The following GSAP variants were observed in gnomAD, a reference collection of about 807,000 sequenced individuals.
GSAP encodes gamma-secretase activating protein.
GSAP carries 118 observed loss-of-function variants against 131.7 expected under a neutral mutation model. The observed-to-expected ratio is 0.90, with a 90% CI of 0.77 to 1.04. GSAP has a LOEUF of 1.04. GSAP is among the 50% of genes least tolerant of loss of function. The pLI, the probability that GSAP is intolerant of heterozygous loss-of-function variation, is 0.00. For missense variants in GSAP, 1,019 were observed against 1,013.2 expected (o/e 1.01, Z -0.08); for synonymous variants, 381 against 363.4 (o/e 1.05, Z -0.55).
At chr7:77,388,486 A>C (rs1255209624) in intron 5 of GSAP, among the ~76,000 whole-genome samples, 1 of 152,202 alleles carries the variant, frequency 6.6e-6, no homozygotes, top group Non-Finnish European at 1.5e-5. Flanking sequence ...TACAGCAATC[A>C]GGAGGAAGTC....
intron 6 of GSAP, among the ~76,000 whole-genome samples, chr7:77,386,780 C>A (rs976250980): frequency 6.6e-6 from 1 of 152,202 alleles, no homozygotes; most frequent in African/African-American, 2.4e-5. Flanking sequence ...AAAGGCAGGG[C>A]ATCACCGTGT....
chr7:77,406,540 G>A (rs1802301830), intron 1 of GSAP, among the ~76,000 whole-genome samples: 1 of 152,206 alleles, frequency 6.6e-6, no homozygotes, highest in African/African-American at 2.4e-5. Flanking sequence ...TAGGCTCTAA[G>A]CTGAGCTGCC....
In GSAP at chr7:77,377,332, G is replaced by C; in HGVS notation, c.635C>G (p.Ala212Gly). 6.4e-7 allele frequency: 1 copy of C among 1,562,244 alleles called. No individual in the cohort carries two copies. The highest frequency in any genetic ancestry group is 1.5e-5 in the African/African-American group (1 of 67,860). ...RDRIAEDFVW[A>G]QWDMSEQRLY... ...TCTCTGTTCTGACATATCCCACTGA[G>C]CCCAAACGAAATCCTCAGCTATTCT... Residue 212 changes from alanine (A) to glycine (G), a missense_variant, in exon 9 of 31, where the codon GCT (alanine) becomes GGT (glycine). By Grantham distance (60) the Ala-to-Gly change is moderately conservative. Coordinates refer to ENST00000257626, the MANE Select transcript of GSAP (RefSeq NM_017439.4).
rs1018227716 is a variant in GSAP at position 77,401,431 on chromosome 7, A to G, written c.243+3128T>C. On this transcript the variant is annotated intron_variant, in intron 3 of 30. Transcript: ENST00000257626. Reference sequence around the variant, plus strand: ...CTCATGAGAAACCAGAGAACCCAGAAGGAAGTGGCATGTTTTTCAAGAGAG... The same window carrying G: ...CTCATGAGAAACCAGAGAACCCAGAGGGAAGTGGCATGTTTTTCAAGAGAG... Among the ~76,000 whole-genome samples the G allele has an allele frequency of 9.2e-5, 14 of 152,144 alleles. 1 individual carries two copies. Among genetic ancestry groups the G allele is most frequent in the African/African-American group, 3.1e-4 (13 of 41,436 alleles).
At chr7:77,387,672 C>T (rs1201004263) in intron 5 of GSAP, among the ~76,000 whole-genome samples, 1 of 152,150 alleles carries the variant, frequency 6.6e-6, no homozygotes. Context: ...CCCAAAAGAG[C>T]AATCAGCCCA....
At position 77,360,903 on chromosome 7, in the gene GSAP, T is replaced by A. The variant is rs1009064780; in HGVS notation, c.950-2A>T. The A allele has an allele frequency of 1.3e-6, 2 of 1,566,310 alleles. No individual in the cohort carries two copies. The highest frequency in any genetic ancestry group is 2.7e-5 in the African/African-American group (2 of 73,660). On this transcript the variant is annotated splice_acceptor_variant, in intron 13 of 30. Transcript: ENST00000257626. LOFTEE classifies it high-confidence loss of function. The stretch of plus-strand genomic sequence containing the variant: ...AAGTGGTGAAGGTCTTGCTGTGTCC[T>A]GCAAAGAGAGAATATGAAGCCAGAG...
chr7:77,410,092 A>C (rs147763732), intron 1 of GSAP, among the ~76,000 whole-genome samples: 2 of 152,344 alleles, frequency 1.3e-5, no homozygotes, highest in East Asian at 1.9e-4. Context: ...ACAAATGTAC[A>C]TTACATATTA....
intron 19 of GSAP, among the ~76,000 whole-genome samples, chr7:77,339,030 A>C (rs1018631452): frequency 6.6e-6 from 1 of 150,848 alleles, no homozygotes. Flanking sequence ...GTCCTCAAAG[A>C]AAAAATGTGG....
chr7:77,391,755 G>T (rs1317495202), intron 5 of GSAP, among the ~76,000 whole-genome samples: 1 of 152,052 alleles, frequency 6.6e-6, no homozygotes, highest in Non-Finnish European at 1.5e-5. Context: ...AGATCACCTG[G>T]GCCAGGGAGG....
intron 5 of GSAP, among the ~76,000 whole-genome samples, chr7:77,391,653 A>G (rs1187904546): frequency 1.3e-5 from 2 of 151,508 alleles, no homozygotes; most frequent in African/African-American, 4.9e-5. Flanking sequence ...GTGAAACCCC[A>G]TCTCTACAAA....
chr7:77,402,680 T>C (rs1583894582), intron 3 of GSAP, among the ~76,000 whole-genome samples: 1 of 127,152 alleles, frequency 7.9e-6, no homozygotes, highest in Non-Finnish European at 1.6e-5. Context: ...CATCAAAAGG[T>C]CCGTAAAAAA....
At chr7:77,410,718 G>GT (rs1445091524) in intron 1 of GSAP, among the ~76,000 whole-genome samples, 2 of 152,138 alleles carry the variant, frequency 1.3e-5, no homozygotes, top group Non-Finnish European at 2.9e-5. Flanking sequence ...AGGAATAGGG[G>GT]TTCTCAAATG....
intron 24 of GSAP, 74 bp from the exon 25 acceptor site, chr7:77,321,477 A>T: frequency 2.2e-6 from 2 of 916,496 alleles, no homozygotes; most frequent in South Asian, 2.7e-5. Context: ...GGCCTCCACA[A>T]CTCAGATAAG....
rs1465726841 is a variant in GSAP at position 77,374,078 on chromosome 7, T to A, written c.863A>T (p.Asn288Ile). The A allele has an allele frequency of 6.5e-7, 1 of 1,543,560 alleles. No individual in the cohort carries two copies. Residue 288 changes from asparagine (N) to isoleucine (I), a missense_variant, in exon 12 of 31, where the codon AAC becomes ATC. Physicochemically the swap from Asn to Ile is moderately radical, Grantham distance 149. Coordinates refer to ENST00000257626, the MANE Select transcript of GSAP (RefSeq NM_017439.4). ...ATACAACCCTAGTTTACCTGTATGG[T>A]TGGTAAAAACACACAGAGTCAGGTG... ...SKHLTLCVFT[N>I]HTGSLCVCYS...
intron 19 of GSAP, among the ~76,000 whole-genome samples, chr7:77,340,884 C>A (rs549095290): frequency 6.6e-6 from 1 of 152,162 alleles, no homozygotes; most frequent in East Asian, 1.9e-4. Context: ...GTGTCTCTAC[C>A]CTCTCTTTTC....
At chr7:77,316,235 G>A (rs992168454) in intron 26 of GSAP, 2 of 152,214 alleles carry the variant, frequency 1.3e-5, no homozygotes, top group Admixed American at 1.3e-4. Flanking sequence ...ATGGTAACAT[G>A]TACAGGCTTT....
At chr7:77,314,681 G>A (rs1037128450) in intron 26 of GSAP, 192 bp from the exon 27 acceptor site, 1 of 537,330 alleles carries the variant, frequency 1.9e-6, no homozygotes, top group Admixed American at 3.2e-5. Context: ...TGGGTCTATA[G>A]TAAGTTTCCG....
chr7:77,321,678 CA>C (rs577483112), intron 24 of GSAP, among the ~76,000 whole-genome samples: 92 of 152,322 alleles, frequency 6.0e-4, no homozygotes, highest in South Asian at 1.7e-3. Flanking sequence ...CCACCACTCA[CA>C]CTTACAGACC....
intron 19 of GSAP, among the ~76,000 whole-genome samples, chr7:77,340,206 T>C (rs1036045123): frequency 6.6e-6 from 1 of 152,204 alleles, no homozygotes; most frequent in African/African-American, 2.4e-5. Flanking sequence ...CCCCTTTGAC[T>C]GTAATTTTCC....
Sources: gnomAD v4.1 joint callset for allele counts (sites outside exome capture counted in the v4.1 genomes callset) on GRCh38, gnomAD v4.1.1 for gene constraint, MANE v1.5 for transcripts, NCBI Gene and HGNC (gene_info 2026-07-23, HGNC 2026-07-21) for gene names.